SLFN12L: variants seen among roughly 807,000 people sequenced by gnomAD.
SLFN12L encodes the protein schlafen family member 12 like.
SLFN12L carries 34 observed loss-of-function variants against 34.8 expected under a neutral mutation model. The observed-to-expected ratio is 0.98, with a 90% CI of 0.74 to 1.30. SLFN12L has a LOEUF of 1.30. Among genes scored for constraint, SLFN12L ranks in the 50% most tolerant of loss-of-function variants. The pLI is 0.00. For missense variants in SLFN12L, 703 were observed against 696.2 expected (o/e 1.01, Z -0.11); for synonymous variants, 259 against 247.5 (o/e 1.05, Z -0.44).
chr17:35,530,513 A>ACAGAAAG (rs1448004237), intron 1 of SLFN12L, among the ~76,000 whole-genome samples: 1 of 32,576 alleles, frequency 3.1e-5, no homozygotes, highest in African/African-American at 1.1e-4. Context: ...AGAAAGAAAG[A>ACAGAAAG]AAAGAAAAGA....
intron 2 of SLFN12L, among the ~76,000 whole-genome samples, chr17:35,519,805 A>G (rs1915945632): frequency 6.6e-6 from 1 of 152,196 alleles, no homozygotes; most frequent in Admixed American, 6.5e-5. Context: ...AATCTTGAGT[A>G]TGAAAAATAA....
intron 2 of SLFN12L, among the ~76,000 whole-genome samples, chr17:35,511,005 A>C (rs1268287768): frequency 6.6e-6 from 1 of 152,178 alleles, no homozygotes; most frequent in Non-Finnish European, 1.5e-5. Flanking sequence ...GTATATTAGA[A>C]AGATGCAATA....
chr17:35,490,290 G>A (rs1914782864), intron 2 of SLFN12L: 2 of 1,485,030 alleles, frequency 1.3e-6, no homozygotes, highest in East Asian at 4.5e-5. Flanking sequence ...AAGGGCAAAG[G>A]AAGAGCTGCA....
Position 35,474,932 on chromosome 17 carries a change from GAAAA to G in SLFN12L, c.1826_1829del (p.Phe609SerfsTer2), listed in dbSNP as rs1184557023. ...GGTGACAGAGTGAGACTCATCTCAA[GAAAA>G]AACAAACAAACCAACAAACAAACAA... On this transcript the variant is annotated frameshift_variant, in exon 5 of 5. Coordinates refer to ENST00000628453, the MANE Select transcript of SLFN12L (RefSeq NM_001363830.2). LOFTEE classifies it high-confidence loss of function. 7 of 1,544,874 alleles carry G rather than the reference GAAAA, an allele frequency of 4.5e-6. No individual in the cohort carries two copies. The highest frequency in any genetic ancestry group is 5.2e-6 in the Non-Finnish European group (6 of 1,144,746).
chr17:35,495,277 T>G (rs1412339593), intron 2 of SLFN12L, among the ~76,000 whole-genome samples: 1 of 152,196 alleles, frequency 6.6e-6, no homozygotes, highest in African/African-American at 2.4e-5. Context: ...CCTTCAATTT[T>G]GGACTAGCAA....
intron 2 of SLFN12L, among the ~76,000 whole-genome samples, chr17:35,517,252 C>A (rs1403569361): frequency 6.6e-6 from 1 of 152,106 alleles, no homozygotes; most frequent in Non-Finnish European, 1.5e-5. Flanking sequence ...TCCTATACAC[C>A]AACAACAGAC....
intron 2 of SLFN12L, chr17:35,490,684 G>A: frequency 6.2e-6 from 7 of 1,134,632 alleles, no homozygotes; most frequent in Non-Finnish European, 9.4e-6. Context: ...ACTATTAACC[G>A]AGGATTCAGA....
At chr17:35,536,365 A>G (rs1287440631) in intron 1 of SLFN12L, among the ~76,000 whole-genome samples, 1 of 152,234 alleles carries the variant, frequency 6.6e-6, no homozygotes, top group East Asian at 1.9e-4. Context: ...TAGGGCCTTC[A>G]CAAGTATCTG....
intron 2 of SLFN12L, chr17:35,491,122 A>AACTT: frequency 1.3e-6 from 1 of 777,816 alleles, no homozygotes. Flanking sequence ...ACCATTTGTG[A>AACTT]ACTTACTGCC....
intron 2 of SLFN12L, chr17:35,490,618 A>C: frequency 3.5e-6 from 3 of 848,056 alleles, no homozygotes; most frequent in Non-Finnish European, 4.1e-6. Flanking sequence ...GACCAAGCTC[A>C]CTCAGGAAGA....
intron 2 of SLFN12L, chr17:35,490,362 G>A: frequency 7.5e-7 from 1 of 1,340,798 alleles, no homozygotes; most frequent in Non-Finnish European, 1.1e-6. Flanking sequence ...CGGTACGATA[G>A]TCTCTTGATC....
chr17:35,490,984 A>G (rs1290463021), intron 2 of SLFN12L: 1 of 786,642 alleles, frequency 1.3e-6, no homozygotes, highest in Non-Finnish European at 2.3e-6. Flanking sequence ...GCGATTGCTC[A>G]ATTTCTATGG....
rs1411119733 is a variant in SLFN12L at position 35,475,199 on chromosome 17, T to C, written c.1563A>G (p.Lys521=). ...AACCACCAATTTTTGCCAGCTTCTG[T>C]TTTAAAGTTTGGGCAGTTTGTGTAG... ...DYSTQTAQTL[K]QKLAKIGGYT... is the part of the protein sequence containing the mutation. The change falls in exon 5 of 5, where the codon AAA becomes AAG. Residue 521 remains lysine, a synonymous_variant. Transcript: ENST00000628453. 2 of 1,614,052 alleles carry C rather than the reference T, an allele frequency of 1.2e-6. No individual in the cohort carries two copies. The highest frequency in any genetic ancestry group is 8.5e-7 in the Non-Finnish European group (1 of 1,180,042).
chr17:35,497,105 A>G (rs1226259914), intron 2 of SLFN12L, among the ~76,000 whole-genome samples: 1 of 152,092 alleles, frequency 6.6e-6, no homozygotes, highest in Non-Finnish European at 1.5e-5. Flanking sequence ...AAAAAACAAA[A>G]CTAGACCGAG....
At chr17:35,492,800 A>G (rs983542053) in intron 2 of SLFN12L, among the ~76,000 whole-genome samples, 1 of 152,196 alleles carries the variant, frequency 6.6e-6, no homozygotes, top group African/African-American at 2.4e-5. Flanking sequence ...TCTCCGGTCC[A>G]TTCCTTGGAT....
chr17:35,507,430 G>A (rs1256846411), intron 2 of SLFN12L, among the ~76,000 whole-genome samples: 1 of 152,222 alleles, frequency 6.6e-6, no homozygotes, highest in Non-Finnish European at 1.5e-5. Flanking sequence ...GGCCCAGCAA[G>A]AAACTCAGAT....
Position 35,530,506 on chromosome 17 carries a change from A to C in SLFN12L, c.-606+7067T>G, listed in dbSNP as rs990851903. Among the ~76,000 whole-genome samples the C allele has an allele frequency of 1.6e-3, 50 of 30,658 alleles. 1 individual carries two copies. Among genetic ancestry groups the C allele is most frequent in the African/African-American group, 4.3e-3 (47 of 11,002 alleles). 20.1% of individuals were successfully genotyped at this position (30,658 alleles called of 152,430 possible). On this transcript the variant is annotated intron_variant, in intron 1 of 4. Coordinates refer to ENST00000628453, the MANE Select transcript of SLFN12L (RefSeq NM_001363830.2). ...AAAGAAAGAAAGAAAGAAAGAAAGAAAGAAAGAAAAGAAAAGAAAAGAAAA... is the reference window on the plus strand; with the variant it reads ...AAAGAAAGAAAGAAAGAAAGAAAGACAGAAAGAAAAGAAAAGAAAAGAAAA...
intron 1 of SLFN12L, among the ~76,000 whole-genome samples, chr17:35,529,084 A>C (rs923267525): frequency 2.6e-5 from 4 of 152,256 alleles, no homozygotes; most frequent in Non-Finnish European, 5.9e-5. Context: ...CCCAACAAAC[A>C]TATGAAAAAA....
intron 4 of SLFN12L, among the ~76,000 whole-genome samples, chr17:35,476,288 T>C (rs1226181053): frequency 6.6e-6 from 1 of 152,020 alleles, no homozygotes; most frequent in Non-Finnish European, 1.5e-5. Context: ...ACAGGTGAGA[T>C]GCTAGAAACA....
Sources: allele counts gnomAD v4.1 joint callset (sites outside exome capture counted in the v4.1 genomes callset), GRCh38; gene constraint gnomAD v4.1.1; transcripts MANE v1.5; gene names NCBI Gene and HGNC (gene_info 2026-07-23, HGNC 2026-07-21).